Variants in ITPR1 observed in about 807,000 individuals in gnomAD.
The protein encoded by ITPR1 is inositol 1,4,5-trisphosphate receptor type 1.
ITPR1 carries 96 observed loss-of-function variants against 318.4 expected under a neutral mutation model. The observed-to-expected ratio is 0.30, with a 90% CI of 0.26 to 0.36. The LOEUF (loss-of-function observed/expected upper bound fraction) is 0.36. ITPR1 is among the 10% of genes least tolerant of loss of function. ITPR1 has a pLI of 1.00. For synonymous variants in ITPR1, 1,312 were observed against 1,289.9 expected, an observed-to-expected ratio of 1.02 and a Z score of -0.37; for missense variants, 2,440 against 3,460.2, an observed-to-expected ratio of 0.71 and a Z score of 7.40.
intron 52 of ITPR1, among the ~76,000 whole-genome samples, chr3:4,792,011 A>G (rs1322495815): frequency 1.3e-5 from 2 of 152,242 alleles, no homozygotes; most frequent in Non-Finnish European, 2.9e-5. Context: ...ACGTGTTGAT[A>G]GGGCTGTGTT....
In ITPR1 at chr3:4,517,579, T is replaced by A. The variant is rs530662101; in HGVS notation, c.92+996T>A. Among the ~76,000 whole-genome samples the A allele has an allele frequency of 1.5e-3, 232 of 152,356 alleles. No individual in the cohort carries two copies. The Middle Eastern group carries it at 0.024, about 16-fold the overall frequency. On this transcript the variant is annotated intron_variant, in intron 3 of 61. Coordinates refer to ENST00000649015, the MANE Select transcript of ITPR1 (RefSeq NM_001378452.1). ...GCAAATTATTATAGATACAGAATTA[T>A]AGCTCAATTAGACTTGTGCTCCCAC...
intron 4 of ITPR1, among the ~76,000 whole-genome samples, chr3:4,592,263 T>C (rs1477888047): frequency 6.6e-6 from 1 of 152,202 alleles, no homozygotes; most frequent in African/African-American, 2.4e-5. Flanking sequence ...ACTGACTGTC[T>C]TGTTTTATGT....
intron 44 of ITPR1, 89 bp downstream of exon 44, chr3:4,735,443 G>A (rs1375064849): frequency 8.7e-7 from 1 of 1,144,596 alleles, no homozygotes; most frequent in Non-Finnish European, 1.3e-6. Flanking sequence ...GTGGTACCAA[G>A]CCTTGTTTGA....
intron 4 of ITPR1, among the ~76,000 whole-genome samples, chr3:4,540,831 C>T (rs1364859124): frequency 6.6e-6 from 1 of 152,174 alleles, no homozygotes; most frequent in Non-Finnish European, 1.5e-5. Context: ...CTGCCTCAGG[C>T]TCCCAAAGTA....
chr3:4,573,925 T>C (rs969835969), intron 4 of ITPR1, among the ~76,000 whole-genome samples: 1 of 152,254 alleles, frequency 6.6e-6, no homozygotes, highest in African/African-American at 2.4e-5. Context: ...AGGGATTCTA[T>C]CTCAGCATCT....
intron 4 of ITPR1, among the ~76,000 whole-genome samples, chr3:4,581,423 A>G (rs1045706402): frequency 6.6e-6 from 1 of 152,190 alleles, no homozygotes. Flanking sequence ...AGTATGGTGT[A>G]TGGTGGTTGC....
At chr3:4,580,175 A>C (rs564787321) in intron 4 of ITPR1, among the ~76,000 whole-genome samples, 1 of 152,118 alleles carries the variant, frequency 6.6e-6, no homozygotes, top group Admixed American at 6.5e-5. Context: ...ATGCCACTCC[A>C]CTCCATCCTG....
intron 4 of ITPR1, among the ~76,000 whole-genome samples, chr3:4,542,163 C>CA (rs368515460): frequency 6.6e-6 from 1 of 152,032 alleles, no homozygotes; most frequent in African/African-American, 2.4e-5. Flanking sequence ...TTCCTGTTAC[C>CA]AAAAAAGCAC....
rs9866640 is a variant in ITPR1 at position 4,680,848 on chromosome 3, A to G, written c.3106+157A>G. 0.14 allele frequency among the ~76,000 whole-genome samples: 21,350 copies of G among 152,226 alleles called. 1,822 individuals carry two copies. Among genetic ancestry groups the G allele is most frequent in the Middle Eastern group, 0.25 (74 of 294 alleles). ...GGCAGTTACTCTTTTTGAGCAAGTG[A>G]ATAATTGATAGAGCCCAGATTCCTT... is the stretch of plus-strand genomic sequence containing the variant. On this transcript the variant is annotated intron_variant, in intron 25 of 61. Coordinates refer to ENST00000649015, the MANE Select transcript of ITPR1 (RefSeq NM_001378452.1).
At chr3:4,786,181 G>C (rs1198025409) in intron 51 of ITPR1, among the ~76,000 whole-genome samples, 3 of 152,186 alleles carry the variant, frequency 2.0e-5, no homozygotes, top group Non-Finnish European at 4.4e-5. Flanking sequence ...ATATGAAGCA[G>C]GCAGGCTCTT....
chr3:4,822,582 G>A (rs2049800041), intron 60 of ITPR1, among the ~76,000 whole-genome samples: 1 of 152,224 alleles, frequency 6.6e-6, no homozygotes, highest in African/African-American at 2.4e-5. Context: ...CTGCCCAGAA[G>A]TAGAGCTTTC....
At chr3:4,609,012 A>AC (rs1559528798) in intron 4 of ITPR1, among the ~76,000 whole-genome samples, 1 of 135,698 alleles carries the variant, frequency 7.4e-6, no homozygotes, top group Non-Finnish European at 1.5e-5. Context: ...AAAAAAAAAA[A>AC]AAAAAAAAAA....
At position 4,645,655 on chromosome 3, in the gene ITPR1, A is replaced by G; in HGVS notation, c.782A>G (p.His261Arg). ...LTCDEHRKKQ[H>R]VFLRTTGRQS... ...TGTGACGAACACAGGAAGAAGCAGC[A>G]CGTCTTCCTGAGAACCACGGGCCGG... Residue 261 changes from histidine to arginine, a missense_variant, in exon 10 of 62, where the codon CAC becomes CGC. By Grantham distance (29) the His-to-Arg change is conservative. Around this residue, in one of 23 missense-constraint regions of ITPR1, gnomAD observed 186 missense variants for 323.9 expected, o/e 0.57. Coordinates refer to ENST00000649015, the MANE Select transcript of ITPR1 (RefSeq NM_001378452.1). The G allele has an allele frequency of 6.2e-7, 1 of 1,613,426 alleles. No homozygotes were observed. Among genetic ancestry groups the G allele is most frequent in the Non-Finnish European group, 8.5e-7 (1 of 1,179,654 alleles).
chr3:4,645,176 A>G (rs752700828), intron 8 of ITPR1, among the ~76,000 whole-genome samples: 2 of 152,334 alleles, frequency 1.3e-5, no homozygotes, highest in Middle Eastern at 3.4e-3. Context: ...TGGAATGTGC[A>G]TAGTGATTGG....
intron 44 of ITPR1, among the ~76,000 whole-genome samples, chr3:4,752,665 G>A (rs904341520): frequency 5.9e-5 from 9 of 152,202 alleles, no homozygotes; most frequent in African/African-American, 1.7e-4. Context: ...CATTAATATA[G>A]TAAATTTTTT....
intron 10 of ITPR1, among the ~76,000 whole-genome samples, chr3:4,649,945 A>G (rs1453362201): frequency 6.6e-6 from 1 of 152,192 alleles, no homozygotes; most frequent in Non-Finnish European, 1.5e-5. Flanking sequence ...ATCTCCTAAT[A>G]CTATAACCTT....
Position 4,658,134 on chromosome 3 carries a change from A to T in ITPR1, c.1007A>T (p.Asp336Val). Residue 336 changes from aspartate to valine, a missense_variant, in exon 13 of 62, where the codon GAT becomes GTT. Around this residue, in one of 23 missense-constraint regions of ITPR1, gnomAD observed 101 missense variants for 119.6 expected, o/e 0.84. Coordinates refer to ENST00000649015, the MANE Select transcript of ITPR1 (RefSeq NM_001378452.1). Reference sequence around the variant, plus strand: ...ACTTTACCTCCTCAGGTGGACCCTGATCAGGACGCCTCTCGAAGTAGGTTG... The same window carrying T: ...ACTTTACCTCCTCAGGTGGACCCTGTTCAGGACGCCTCTCGAAGTAGGTTG... ...CLEFQPSVDP[D>V]QDASRSRLRN... The T allele has an allele frequency of 1.2e-6, 2 of 1,612,592 alleles. No individual in the cohort carries two copies. The highest frequency in any genetic ancestry group is 1.7e-6 in the Non-Finnish European group (2 of 1,178,980).
chr3:4,649,100 G>A (rs2093533775), intron 10 of ITPR1, among the ~76,000 whole-genome samples: 1 of 152,128 alleles, frequency 6.6e-6, no homozygotes, highest in Admixed American at 6.5e-5. Flanking sequence ...AAAAAAAAAT[G>A]GAGACTTTCT....
chr3:4,524,774 G>A (rs2082844752), intron 4 of ITPR1, among the ~76,000 whole-genome samples: 2 of 152,144 alleles, frequency 1.3e-5, no homozygotes, highest in African/African-American at 4.8e-5. Context: ...GTTAATAAAA[G>A]AGGCTCTTGG....
Sources: allele counts gnomAD v4.1 joint callset (sites outside exome capture counted in the v4.1 genomes callset), GRCh38; gene constraint gnomAD v4.1.1; regional missense constraint gnomAD v4.1.1; transcripts MANE v1.5; gene names NCBI Gene and HGNC (gene_info 2026-07-23, HGNC 2026-07-21).